Variants in ERG observed in about 807,000 individuals in gnomAD.
ERG encodes ETS transcription factor ERG.
A neutral mutation model predicts 55.3 loss-of-function variants in ERG; 9 were observed. That is an observed-to-expected ratio of 0.16 (90% confidence interval 0.10 to 0.28). ERG has a LOEUF of 0.28. ERG is among the 10% of genes least tolerant of loss of function. The pLI, the probability that ERG is intolerant of heterozygous loss-of-function variation, is 1.00. For synonymous variants in ERG, 223 were observed against 237.3 expected (o/e 0.94, Z 0.55); for missense variants, 434 against 631.6 (o/e 0.69, Z 3.35).
intron 1 of ERG, among the ~76,000 whole-genome samples, chr21:38,480,612 T>TTTTTTTTC (rs2059230121): frequency 7.4e-6 from 1 of 134,802 alleles, no homozygotes; most frequent in Admixed American, 8.0e-5. Context: ...TTTTTTTTTT[T>TTTTTTTTC]TTGCCTTATA....
intron 2 of ERG, among the ~76,000 whole-genome samples, chr21:38,527,067 C>T (rs1002196082): frequency 7.9e-5 from 12 of 152,136 alleles, no homozygotes; most frequent in African/African-American, 1.2e-4. Context: ...TAATTTTCCA[C>T]GACGCATACT....
chr21:38,506,031 G>A (rs13048237), intron 2 of ERG, among the ~76,000 whole-genome samples: 4 of 129,052 alleles, frequency 3.1e-5, no homozygotes, highest in African/African-American at 1.2e-4. Context: ...GTTTTTTTTT[G>A]AAAAATTTGG....
At chr21:38,447,064 A>G (rs1002749281) in intron 1 of ERG, among the ~76,000 whole-genome samples, 1 of 151,950 alleles carries the variant, frequency 6.6e-6, no homozygotes, top group Non-Finnish European at 1.5e-5. Context: ...CTTCCTCTCC[A>G]CCCAGAAGGA....
intron 1 of ERG, among the ~76,000 whole-genome samples, chr21:38,657,516 C>A: frequency 6.6e-6 from 1 of 152,104 alleles, no homozygotes; most frequent in East Asian, 1.9e-4. Flanking sequence ...CTAGACTTTG[C>A]AATGTTACAA....
intron 2 of ERG, among the ~76,000 whole-genome samples, chr21:38,571,820 A>G (rs1374392644): frequency 2.9e-4 from 44 of 152,160 alleles, no homozygotes; most frequent in Admixed American, 2.9e-3. Context: ...GTCATCATAA[A>G]TTTTGCAGAG....
chr21:38,538,580 T>A (rs1180568996), intron 2 of ERG, among the ~76,000 whole-genome samples: 2 of 152,110 alleles, frequency 1.3e-5, no homozygotes, highest in African/African-American at 2.4e-5. Context: ...AGAATTGGTA[T>A]CTAGCCAGAA....
chr21:38,473,083 G>GGTGT (rs1439909681), intron 1 of ERG, among the ~76,000 whole-genome samples: 2 of 150,918 alleles, frequency 1.3e-5, no homozygotes. Flanking sequence ...GTAGTTCTGA[G>GGTGT]GTGTAGCAAG....
intron 6 of ERG, 116 bp from the exon 7 acceptor site, chr21:38,392,560 T>C (rs1468046760): frequency 1.4e-6 from 1 of 698,696 alleles, no homozygotes; most frequent in Non-Finnish European, 2.2e-6. Flanking sequence ...AAAAATCTGG[T>C]AATCCAAAGA....
rs372336037 is a variant in ERG at position 38,403,490 on chromosome 21, G to A, written c.592+16C>T. On this transcript the variant is annotated intron_variant, in intron 4 of 9. Transcript: ENST00000288319. ...ATAGCCACAGCCATCTATCCTTGGA[G>A]GAAGGGGGAGCTTACTCTCTCTGAG... 5 of 1,612,864 alleles carry A rather than the reference G, an allele frequency of 3.1e-6. No individual in the cohort carries two copies. In the African/African-American group the frequency reaches 5.3e-5, roughly 17 times the overall value.
At chr21:38,427,264 G>C (rs13048984) in intron 2 of ERG, among the ~76,000 whole-genome samples, 75,596 of 151,922 alleles carry the variant, frequency 0.5, 19,713 homozygotes, top group South Asian at 0.62. Flanking sequence ...TAGTAGAGAC[G>C]GGGTTTCACC....
rs535360503 is a variant in ERG, at chr21:38,390,049, A to T, written c.919+946T>A. On this transcript the variant is annotated intron_variant, in intron 9 of 9. Transcript: ENST00000288319. ...ATACACATTCCATCTTGTGCTTGCA[A>T]TATGCCTGTAACATCTTGGCATTTG... Among the ~76,000 whole-genome samples, 119 of 152,328 alleles carry T rather than the reference A, an allele frequency of 7.8e-4. 1 individual carries two copies. Among genetic ancestry groups the T allele is most frequent in the African/African-American group, 2.2e-3 (93 of 41,568 alleles).
In ERG at chr21:38,597,502, C is replaced by A. The variant is rs1008387988; in HGVS notation, c.-149-12557G>T. Among the ~76,000 whole-genome samples the A allele has an allele frequency of 2.0e-5, 3 of 152,020 alleles. No homozygotes were observed. The East Asian group carries it at 5.8e-4, about 29-fold the overall frequency. On this transcript the variant is annotated intron_variant, in intron 1 of 10. Coordinates refer to the ERG transcript ENST00000398910. ...ACACACACACACACACACACACACG[C>A]ACACAGAGAAAGAGAGAGAGGGAGA...
At chr21:38,571,483 C>A (rs1211236904) in intron 2 of ERG, among the ~76,000 whole-genome samples, 2 of 151,652 alleles carry the variant, frequency 1.3e-5, no homozygotes, top group Non-Finnish European at 2.9e-5. Context: ...TGCACTCCAG[C>A]CTGGGCAACA....
rs527600683 is a variant in ERG at position 38,563,862 on chromosome 21, G to A, written c.-41+11800C>T. Among the ~76,000 whole-genome samples the A allele has an allele frequency of 7.9e-5, 12 of 152,256 alleles. No homozygotes were observed. The East Asian group carries it at 1.9e-3, about 24-fold the overall frequency. ...GCAAGGAGACAAATAGCAAGGATCCGAGGACAGAGAGGCAAAATTCAGAAG... is the reference window on the plus strand; with the variant it reads ...GCAAGGAGACAAATAGCAAGGATCCAAGGACAGAGAGGCAAAATTCAGAAG... On this transcript the variant is annotated intron_variant, in intron 2 of 8. Transcript: ENST00000398897.
intron 6 of ERG, among the ~76,000 whole-genome samples, chr21:38,394,641 C>T (rs1423186424): frequency 3.9e-5 from 6 of 152,128 alleles, no homozygotes; most frequent in Admixed American, 1.3e-4. Flanking sequence ...CGTGAGCCAC[C>T]GCGCCTGGCC....
chr21:38,488,525 G>A (rs770606184), intron 1 of ERG, among the ~76,000 whole-genome samples: 3 of 152,080 alleles, frequency 2.0e-5, no homozygotes, highest in Non-Finnish European at 4.4e-5. Context: ...TAGTGTGTGT[G>A]CACTGTGGTT....
At position 38,460,993 on chromosome 21, in the gene ERG, C is replaced by T. The variant is rs576015754; in HGVS notation, c.19-15372G>A. 1.1e-4 allele frequency among the ~76,000 whole-genome samples: 16 copies of T among 152,252 alleles called. No individual in the cohort carries two copies. Among genetic ancestry groups the T allele is most frequent in the East Asian group, 3.9e-4 (2 of 5,188 alleles). On this transcript the variant is annotated intron_variant, in intron 1 of 9. Coordinates refer to ENST00000288319, the MANE Select transcript of ERG (RefSeq NM_182918.4). This position sits in a 1 kb window ranked among gnomAD's most constrained non-coding sequence, Gnocchi z 5.0. ...TTAATAAGCAGTGAATCCTCTTTTG[C>T]GGCTGAATTTTCCTCAAGGAAGCAG...
chr21:38,403,085 A>G (rs982514466), intron 4 of ERG, among the ~76,000 whole-genome samples: 9 of 152,216 alleles, frequency 5.9e-5, no homozygotes, highest in Non-Finnish European at 1.2e-4. Context: ...GTTAGAATAT[A>G]AAGTGGGGCT....
At chr21:38,505,363 C>A (rs2059452612) in intron 2 of ERG, among the ~76,000 whole-genome samples, 1 of 152,192 alleles carries the variant, frequency 6.6e-6, no homozygotes, top group African/African-American at 2.4e-5. Flanking sequence ...CCACACCTCA[C>A]CCTCTCCACA....
Sources: allele counts gnomAD v4.1 joint callset (sites outside exome capture counted in the v4.1 genomes callset), GRCh38; gene constraint gnomAD v4.1.1; non-coding constraint Gnocchi (gnomAD v3.1); transcripts MANE v1.5; gene names NCBI Gene and HGNC (gene_info 2026-07-23, HGNC 2026-07-21).